The following KCNG3 variants were observed in gnomAD, a reference collection of about 807,000 sequenced individuals.
KCNG3 encodes voltage-gated potassium channel regulatory subunit KCNG3.
In KCNG3, 15 loss-of-function variants were observed where a neutral mutation model predicts 29.0. The ratio of observed to expected loss-of-function variants is 0.52; its 90% CI spans 0.35 to 0.80. The LOEUF is 0.80. Among genes scored for constraint, KCNG3 ranks in the 30% least tolerant of loss-of-function variants. KCNG3 has a pLI of 0.01. For synonymous variants in KCNG3, 322 were observed against 248.9 expected (o/e 1.29, Z -2.76); for missense variants, 512 against 605.7 (o/e 0.85, Z 1.62).
chr2:42,482,763 T>G (rs1368414784), intron 1 of KCNG3, among the ~76,000 whole-genome samples: 1 of 151,960 alleles, frequency 6.6e-6, no homozygotes, highest in Non-Finnish European at 1.5e-5. Context: ...ATGGTGACGG[T>G]TGCACAATCT....
At chr2:42,397,244 C>CAA in the KCNG3 span, among the ~76,000 whole-genome samples, 2 of 99,178 alleles carry the variant, frequency 2.0e-5, no homozygotes, top group African/African-American at 3.8e-5. Context: ...AACTCCATCT[C>CAA]AAAAAAAAAA....
Position 42,443,137 on chromosome 2 carries a change from G to A in KCNG3, c.*797C>T, listed in dbSNP as rs1280715540. ...TAATTTTTATGTTGGAAGTATTCTT[G>A]TTTGGACATCTAAATATTAGGACAG... is the stretch of plus-strand genomic sequence containing the variant. On this transcript the variant is annotated 3_prime_UTR_variant, in exon 2 of 2. Coordinates refer to ENST00000306078, the MANE Select transcript of KCNG3 (RefSeq NM_133329.6). The A allele has an allele frequency of 1.3e-5, 2 of 152,148 alleles. No individual in the cohort carries two copies. The highest frequency in any genetic ancestry group is 4.8e-5 in the African/African-American group (2 of 41,440). The allele number at this position is 152,148 out of a possible 1,614,324, so 9.4% of individuals were successfully genotyped here.
chr2:42,435,286 C>T, the KCNG3 span, among the ~76,000 whole-genome samples: 7 of 152,072 alleles, frequency 4.6e-5, no homozygotes, highest in South Asian at 4.2e-4. Flanking sequence ...CCAGGCTGGG[C>T]AACAAGAGCA....
At chr2:42,433,350 C>T in the KCNG3 span, among the ~76,000 whole-genome samples, 2 of 152,090 alleles carry the variant, frequency 1.3e-5, no homozygotes, top group Non-Finnish European at 2.9e-5. Context: ...ATTATTACTG[C>T]TGGGTGTGTC....
chr2:42,425,620 A>G, the KCNG3 span, among the ~76,000 whole-genome samples: 1 of 152,116 alleles, frequency 6.6e-6, no homozygotes, highest in Non-Finnish European at 1.5e-5. Context: ...AATTTCCAAG[A>G]TTTTTGATTC....
chr2:42,395,315 A>G, the KCNG3 span, among the ~76,000 whole-genome samples: 4 of 151,928 alleles, frequency 2.6e-5, no homozygotes, highest in Admixed American at 6.6e-5. Flanking sequence ...AACACACAGC[A>G]CTCCCTTTTA....
chr2:42,441,754 T>G, downstream of KCNG3, among the ~76,000 whole-genome samples: 1 of 150,462 alleles, frequency 6.6e-6, no homozygotes, highest in Non-Finnish European at 1.5e-5. Context: ...TATATACACA[T>G]ATATATACCT....
chr2:42,402,366 A>G, the KCNG3 span, among the ~76,000 whole-genome samples: 2 of 152,222 alleles, frequency 1.3e-5, no homozygotes, highest in South Asian at 2.1e-4. Context: ...AGAACTCTGA[A>G]TAATACAAAT....
the KCNG3 span, among the ~76,000 whole-genome samples, chr2:42,399,899 G>C: frequency 6.6e-6 from 1 of 152,220 alleles, no homozygotes; most frequent in South Asian, 2.1e-4. Flanking sequence ...TCAAGTACCA[G>C]CAACCTTCCA....
At chr2:42,475,093 T>C (rs747869238) in intron 1 of KCNG3, among the ~76,000 whole-genome samples, 1 of 152,220 alleles carries the variant, frequency 6.6e-6, no homozygotes, top group Non-Finnish European at 1.5e-5. Flanking sequence ...CCTACTGTAA[T>C]ATATTTTGAT....
At chr2:42,412,619 T>A in the KCNG3 span, among the ~76,000 whole-genome samples, 3 of 152,240 alleles carry the variant, frequency 2.0e-5, no homozygotes, top group East Asian at 5.8e-4. Context: ...GTAGACTGTT[T>A]CTTTCTGTGA....
chr2:42,421,323 T>C, the KCNG3 span, among the ~76,000 whole-genome samples: 2 of 151,998 alleles, frequency 1.3e-5, no homozygotes, highest in African/African-American at 4.8e-5. Context: ...GAAGTGACAA[T>C]AATAAAGAAA....
chr2:42,478,355 C>T (rs193037951), intron 1 of KCNG3, among the ~76,000 whole-genome samples: 1 of 152,216 alleles, frequency 6.6e-6, no homozygotes, highest in Admixed American at 6.5e-5. Context: ...CCCACTTCAG[C>T]CTCCTGAGTA....
the KCNG3 span, chr2:42,388,770 G>A: frequency 1.3e-5 from 2 of 152,132 alleles, no homozygotes; most frequent in Admixed American, 1.3e-4. Flanking sequence ...TTGGAGGTAG[G>A]GGGCACAATT....
At chr2:42,388,963 G>A in the KCNG3 span, among the ~76,000 whole-genome samples, 4 of 152,210 alleles carry the variant, frequency 2.6e-5, no homozygotes, top group African/African-American at 7.2e-5. Flanking sequence ...TGTCACCCAG[G>A]CTGGAATGCA....
At chr2:42,491,770 G>C (rs1423272353) in intron 1 of KCNG3, among the ~76,000 whole-genome samples, 1 of 152,164 alleles carries the variant, frequency 6.6e-6, no homozygotes, top group African/African-American at 2.4e-5. Context: ...ATATTATGTA[G>C]AAGTAATCCA....
the KCNG3 span, among the ~76,000 whole-genome samples, chr2:42,431,512 G>C: frequency 3.3e-4 from 50 of 152,254 alleles, no homozygotes; most frequent in Middle Eastern, 3.4e-3. Flanking sequence ...TTAGAGAACT[G>C]TAAGTATTCA....
chr2:42,460,452 G>C (rs1178623944), intron 1 of KCNG3, among the ~76,000 whole-genome samples: 1 of 152,112 alleles, frequency 6.6e-6, no homozygotes, highest in Non-Finnish European at 1.5e-5. Context: ...ACCTAGCAAA[G>C]GGTAAGATAT....
At chr2:42,426,704 G>A in the KCNG3 span, among the ~76,000 whole-genome samples, 1 of 152,220 alleles carries the variant, frequency 6.6e-6, no homozygotes, top group Non-Finnish European at 1.5e-5. Context: ...TCCAGGTGCA[G>A]ATAATTAACA....
Sources: gnomAD v4.1 joint callset for allele counts (sites outside exome capture counted in the v4.1 genomes callset) on GRCh38, gnomAD v4.1.1 for gene constraint, MANE v1.5 for transcripts, NCBI Gene and HGNC (gene_info 2026-07-23, HGNC 2026-07-21) for gene names.